The following EGFLAM variants were observed in gnomAD, a reference collection of about 807,000 sequenced individuals.
The protein encoded by EGFLAM is EGF like, fibronectin type III and laminin G domains, also known as pikachurin.
A neutral mutation model predicts 113.1 loss-of-function variants in EGFLAM; 79 were observed. The ratio of observed to expected loss-of-function variants is 0.70; its 90% CI spans 0.58 to 0.84. The LOEUF is 0.84. Among genes scored for constraint, EGFLAM ranks in the 40% least tolerant of loss-of-function variants. The pLI is 0.00. For missense variants in EGFLAM, 1,265 were observed against 1,291.6 expected (o/e 0.98, Z 0.32); for synonymous variants, 504 against 487.6 (o/e 1.03, Z -0.44).
Position 38,387,584 on chromosome 5 carries a change from A to G in EGFLAM, c.712+17122A>G, listed in dbSNP as rs1022017098. On this transcript the variant is annotated intron_variant, in intron 6 of 21. Transcript: ENST00000322350. Reference sequence around the variant, plus strand: ...CCACACAATTCTGTTTGTTATTCTGACAGTGAATTCTCAGTCTTAGCATTT... The same window carrying G: ...CCACACAATTCTGTTTGTTATTCTGGCAGTGAATTCTCAGTCTTAGCATTT... Among the ~76,000 whole-genome samples, 10 of 152,342 alleles carry G rather than the reference A, an allele frequency of 6.6e-5. No homozygotes were observed. The South Asian group carries it at 8.3e-4, about 13-fold the overall frequency.
chr5:38,352,991 A>G (rs1450823158), intron 5 of EGFLAM, among the ~76,000 whole-genome samples: 3 of 152,198 alleles, frequency 2.0e-5, no homozygotes, highest in African/African-American at 7.2e-5. Flanking sequence ...GAAAGTAAAT[A>G]TTTGATGATG....
chr5:38,365,681 A>C (rs148893313), intron 5 of EGFLAM, among the ~76,000 whole-genome samples: 1 of 152,312 alleles, frequency 6.6e-6, no homozygotes, highest in African/African-American at 2.4e-5. Flanking sequence ...AAGGAGAGAA[A>C]GAAAGGAGAA....
chr5:38,292,118 A>G (rs1758350758), intron 1 of EGFLAM, among the ~76,000 whole-genome samples: 1 of 152,202 alleles, frequency 6.6e-6, no homozygotes, highest in African/African-American at 2.4e-5. Context: ...CTAACCAAAG[A>G]TAAGTGGCCT....
intron 1 of EGFLAM, among the ~76,000 whole-genome samples, chr5:38,318,958 G>C (rs1028374630): frequency 6.6e-6 from 1 of 152,304 alleles, no homozygotes; most frequent in Non-Finnish European, 1.5e-5. Flanking sequence ...GGTTATCTGA[G>C]AGAACTTTCT....
At chr5:38,335,943 T>C (rs1320946576) in intron 1 of EGFLAM, among the ~76,000 whole-genome samples, 1 of 152,222 alleles carries the variant, frequency 6.6e-6, no homozygotes, top group African/African-American at 2.4e-5. Flanking sequence ...GAAAATCAAG[T>C]TGCAGAATGT....
chr5:38,363,631 A>AATGT (rs1218612218), intron 5 of EGFLAM, among the ~76,000 whole-genome samples: 41 of 152,336 alleles, frequency 2.7e-4, no homozygotes, highest in African/African-American at 9.6e-4. Flanking sequence ...TTTTTTATTT[A>AATGT]ATGTATTAAT....
At chr5:38,438,881 C>A (rs1380222736) in intron 17 of EGFLAM, among the ~76,000 whole-genome samples, 1 of 152,182 alleles carries the variant, frequency 6.6e-6, no homozygotes, top group Non-Finnish European at 1.5e-5. Context: ...ATAAGAGAAA[C>A]CTTGCCCAAA....
intron 1 of EGFLAM, among the ~76,000 whole-genome samples, chr5:38,279,288 G>A (rs192219113): frequency 6.6e-6 from 1 of 152,146 alleles, no homozygotes; most frequent in East Asian, 1.9e-4. Context: ...AATTAGTATA[G>A]CCATTATGGA....
chr5:38,277,077 A>G (rs1413360886), intron 1 of EGFLAM, among the ~76,000 whole-genome samples: 2 of 152,192 alleles, frequency 1.3e-5, no homozygotes, highest in African/African-American at 4.8e-5. Context: ...GGCTAGCAGT[A>G]CCCTGATACC....
chr5:38,334,848 G>C (rs1449328610), intron 1 of EGFLAM, among the ~76,000 whole-genome samples: 1 of 152,170 alleles, frequency 6.6e-6, no homozygotes, highest in Non-Finnish European at 1.5e-5. Flanking sequence ...ATATTTATTA[G>C]AAATCTTTAA....
In EGFLAM at chr5:38,464,718, G is replaced by A. The variant is rs1743411784; in HGVS notation, c.*732G>A. The A allele has an allele frequency of 6.6e-6, 1 of 152,180 alleles. No homozygotes were observed. The highest frequency in any genetic ancestry group is 1.5e-5 in the Non-Finnish European group (1 of 68,044). The allele number at this position is 152,180 out of a possible 1,614,324, so 9.4% of individuals were successfully genotyped here. A position where few individuals can be genotyped will look rare whatever the true frequency, so the allele number is the denominator to read the frequency against. On this transcript the variant is annotated 3_prime_UTR_variant, in exon 22 of 22. Coordinates refer to ENST00000322350, the MANE Select transcript of EGFLAM (RefSeq NM_152403.4). ...CAGATTGTCCACACAGTATACTTTT[G>A]GAAGTTTGGGTGGATGACTCTGAAT...
At chr5:38,313,905 A>G (rs1317683064) in intron 1 of EGFLAM, among the ~76,000 whole-genome samples, 1 of 152,210 alleles carries the variant, frequency 6.6e-6, no homozygotes, top group Non-Finnish European at 1.5e-5. Flanking sequence ...GTTAAACGAT[A>G]TTAATCTTTG....
chr5:38,453,765 G>A (rs879935472), intron 19 of EGFLAM, among the ~76,000 whole-genome samples: 2 of 152,086 alleles, frequency 1.3e-5, no homozygotes, highest in South Asian at 2.1e-4. Context: ...AAAGAGAACC[G>A]AAACAGAAGC....
intron 5 of EGFLAM, among the ~76,000 whole-genome samples, chr5:38,360,442 C>T (rs909349913): frequency 6.6e-6 from 1 of 152,114 alleles, no homozygotes; most frequent in Non-Finnish European, 1.5e-5. Context: ...ATGCTGGATA[C>T]GTGACATCTA....
At chr5:38,413,686 T>G (rs1430502592) in intron 11 of EGFLAM, among the ~76,000 whole-genome samples, 1 of 152,188 alleles carries the variant, frequency 6.6e-6, no homozygotes, top group Non-Finnish European at 1.5e-5. Flanking sequence ...AGCCTTTGTT[T>G]ATATGTCTAG....
intron 6 of EGFLAM, among the ~76,000 whole-genome samples, chr5:38,373,351 A>G (rs1304246247): frequency 1.3e-5 from 2 of 152,132 alleles, no homozygotes; most frequent in African/African-American, 4.8e-5. Flanking sequence ...TAGTGTACCC[A>G]TCACCCAAAT....
intron 2 of EGFLAM, 86 bp from the exon 3 acceptor site, chr5:38,338,612 C>T: frequency 7.9e-7 from 1 of 1,268,196 alleles, no homozygotes; most frequent in African/African-American, 1.5e-5. Context: ...ACCTCAGAGC[C>T]TGCTGCCACT....
chr5:38,388,708 C>T (rs1421002716), intron 6 of EGFLAM, among the ~76,000 whole-genome samples: 2 of 149,004 alleles, frequency 1.3e-5, no homozygotes, highest in Non-Finnish European at 3.0e-5. Context: ...TGCAGGGAGC[C>T]GAGATTGGGC....
chr5:38,352,336 G>A lies in EGFLAM; in HGVS notation c.545+5G>A, dbSNP rs201064776. 1 of 1,613,796 alleles carries A rather than the reference G, an allele frequency of 6.2e-7. No individual in the cohort carries two copies. Among genetic ancestry groups the A allele is most frequent in the Non-Finnish European group, 8.5e-7 (1 of 1,179,836 alleles). On this transcript the variant is annotated splice_donor_5th_base_variant and intron_variant, in intron 5 of 21. Transcript: ENST00000322350. ...CTATTCTGTGGAATTCATCAGGTAAGTCTGTATGTCACATTCAAAAGCCAA... is the reference window on the plus strand; with the variant it reads ...CTATTCTGTGGAATTCATCAGGTAAATCTGTATGTCACATTCAAAAGCCAA...
Sources: gnomAD v4.1 joint callset for allele counts (sites outside exome capture counted in the v4.1 genomes callset) on GRCh38, gnomAD v4.1.1 for gene constraint, MANE v1.5 for transcripts, NCBI Gene and HGNC (gene_info 2026-07-23, HGNC 2026-07-21) for gene names.